FAM222B: variants seen among roughly 807,000 people sequenced by gnomAD.
FAM222B encodes the protein protein FAM222B.
A neutral mutation model predicts 38.0 loss-of-function variants in FAM222B; 12 were observed. The observed-to-expected ratio is 0.32, with a 90% CI of 0.20 to 0.51. FAM222B has a LOEUF of 0.51. Among genes scored for constraint, FAM222B ranks in the 20% least tolerant of loss-of-function variants. The pLI is 0.97. For synonymous variants in FAM222B, 329 were observed against 317.2 expected (o/e 1.04, Z -0.40); for missense variants, 716 against 754.2 (o/e 0.95, Z 0.59).
chr17:28,809,693 G>A lies in FAM222B; in HGVS notation c.-41+32989C>T, dbSNP rs575405521. Among the ~76,000 whole-genome samples the A allele has an allele frequency of 2.6e-5, 4 of 152,242 alleles. No homozygotes were observed. In the East Asian group the frequency reaches 5.8e-4, roughly 22 times the overall value. ...AGTCAAAAAAATAGAAATATCGGGC[G>A]TGGAGGGGTGCAGTGGCTCACACCT... is the stretch of plus-strand genomic sequence containing the variant. On this transcript the variant is annotated intron_variant, in intron 1 of 2. Transcript: ENST00000581407.
intron 1 of FAM222B, among the ~76,000 whole-genome samples, chr17:28,817,812 C>G (rs980838247): frequency 1.3e-5 from 2 of 152,054 alleles, no homozygotes; most frequent in Non-Finnish European, 2.9e-5. Context: ...TGGGACAGGA[C>G]AGAAGGAGAA....
At chr17:28,765,709 A>T (rs1473502172) in intron 2 of FAM222B, among the ~76,000 whole-genome samples, 1 of 152,216 alleles carries the variant, frequency 6.6e-6, no homozygotes, top group African/African-American at 2.4e-5. Flanking sequence ...ATGAAGTATA[A>T]AACCCCAATT....
intron 2 of FAM222B, among the ~76,000 whole-genome samples, chr17:28,764,450 T>C (rs561800574): frequency 6.8e-6 from 1 of 147,670 alleles, no homozygotes; most frequent in South Asian, 2.1e-4. Context: ...CTCAAAATAA[T>C]AAAATAAAAT....
chr17:28,805,643 C>T (rs1428896904), intron 1 of FAM222B, among the ~76,000 whole-genome samples: 1 of 151,424 alleles, frequency 6.6e-6, no homozygotes, highest in Non-Finnish European at 1.5e-5. Flanking sequence ...ACAGTGAGAA[C>T]CTGTCTCAAA....
In FAM222B at chr17:28,774,738, C is replaced by T. The variant is rs62066811; in HGVS notation, c.-40-8031G>A. On this transcript the variant is annotated intron_variant, in intron 1 of 2. Transcript: ENST00000581407. ...TGAGAAAACCTCAGCTTCAGGAATT[C>T]ATGACCAGCCTGGTCAACCATGGTG... 9.5e-3 allele frequency among the ~76,000 whole-genome samples: 1,446 copies of T among 152,084 alleles called. 20 individuals are homozygous for T. The highest frequency in any genetic ancestry group is 0.014 in the Non-Finnish European group (928 of 67,990).
chr17:28,788,679 A>G (rs1169199167), intron 1 of FAM222B, among the ~76,000 whole-genome samples: 4 of 152,210 alleles, frequency 2.6e-5, no homozygotes, highest in Non-Finnish European at 5.9e-5. Context: ...GAAAAATCCA[A>G]TAAATATACA....
intron 2 of FAM222B, among the ~76,000 whole-genome samples, chr17:28,762,443 T>G (rs1249437216): frequency 2.0e-5 from 3 of 150,348 alleles, no homozygotes; most frequent in Non-Finnish European, 1.5e-5. Context: ...CTGCCCAGCA[T>G]GGTGAAACCC....
At chr17:28,815,165 G>C (rs2037968963) in intron 1 of FAM222B, among the ~76,000 whole-genome samples, 1 of 151,530 alleles carries the variant, frequency 6.6e-6, no homozygotes, top group Non-Finnish European at 1.5e-5. Context: ...TAGTTATTGA[G>C]AGAATAAGAA....
chr17:28,843,971 G>T (rs911994316), upstream of FAM222B, among the ~76,000 whole-genome samples: 4 of 152,170 alleles, frequency 2.6e-5, no homozygotes, highest in Non-Finnish European at 5.9e-5. Flanking sequence ...TCTAGGCATC[G>T]CGTGTATGCT....
At chr17:28,819,007 C>G (rs760429473) in intron 1 of FAM222B, among the ~76,000 whole-genome samples, 10 of 152,186 alleles carry the variant, frequency 6.6e-5, no homozygotes, top group Non-Finnish European at 1.5e-4. Flanking sequence ...ATCCTATAAT[C>G]TGTCAGAAGA....
At chr17:28,768,850 A>G (rs1485462597) in intron 1 of FAM222B, among the ~76,000 whole-genome samples, 2 of 151,420 alleles carry the variant, frequency 1.3e-5, no homozygotes, top group Non-Finnish European at 2.9e-5. Context: ...AAAAAAAAAA[A>G]AAAAAAAAAA....
At chr17:28,827,242 A>G (rs1296566938) in intron 1 of FAM222B, among the ~76,000 whole-genome samples, 1 of 152,194 alleles carries the variant, frequency 6.6e-6, no homozygotes, top group Non-Finnish European at 1.5e-5. Flanking sequence ...CTGTAGTCCT[A>G]GCTACTTGGG....
chr17:28,813,698 G>C (rs1226612637), intron 1 of FAM222B, among the ~76,000 whole-genome samples: 3 of 148,652 alleles, frequency 2.0e-5, no homozygotes, highest in African/African-American at 7.5e-5. Context: ...ATCACGCCCA[G>C]CTAATTTTTT....
intron 1 of FAM222B, among the ~76,000 whole-genome samples, chr17:28,785,834 AGTAGCTGGGACTACAGGT>A (rs945180502): frequency 6.6e-6 from 1 of 152,020 alleles, no homozygotes; most frequent in Admixed American, 6.6e-5. Flanking sequence ...CAGCCTCCCG[AGTAGCTGGGACTACAGGT>A]GCCTGCCACC....
rs185774408 is a variant in FAM222B, at chr17:28,832,783, A to G, written c.-41+9899T>C. 3.2e-3 allele frequency among the ~76,000 whole-genome samples: 493 copies of G among 152,270 alleles called. 2 individuals are homozygous for G. Among genetic ancestry groups the G allele is most frequent in the Non-Finnish European group, 5.0e-3 (343 of 68,034 alleles). ...TTTTGAATGACCAATTGCTTTGAAT[A>G]ACAGCAAGAAGGGGGAGAAGTTGAA... On this transcript the variant is annotated intron_variant, in intron 1 of 2. Coordinates refer to ENST00000581407, the MANE Select transcript of FAM222B (RefSeq NM_001077498.3).
intron 1 of FAM222B, among the ~76,000 whole-genome samples, chr17:28,801,508 G>A (rs1168171328): frequency 6.8e-6 from 1 of 147,040 alleles, no homozygotes; most frequent in Non-Finnish European, 1.5e-5. Flanking sequence ...ATAAGCAAAA[G>A]CCAAACCAGT....
chr17:28,780,878 G>A (rs1006800769), intron 1 of FAM222B, among the ~76,000 whole-genome samples: 27 of 151,198 alleles, frequency 1.8e-4, no homozygotes, highest in African/African-American at 6.3e-4. Context: ...ATGAAACTCC[G>A]TCTCAAAAAA....
At chr17:28,810,200 T>C (rs111887742) in intron 1 of FAM222B, among the ~76,000 whole-genome samples, 9 of 152,114 alleles carry the variant, frequency 5.9e-5, no homozygotes, top group African/African-American at 1.9e-4. Context: ...GTTTTCACCA[T>C]GTTGGTCTTT....
At chr17:28,777,893 A>G (rs1459641528) in intron 1 of FAM222B, among the ~76,000 whole-genome samples, 2 of 151,132 alleles carry the variant, frequency 1.3e-5, no homozygotes, top group African/African-American at 4.9e-5. Flanking sequence ...GGTTCAGGTG[A>G]TCCTCCAACT....
Sources: gnomAD v4.1 joint callset for allele counts (sites outside exome capture counted in the v4.1 genomes callset) on GRCh38, gnomAD v4.1.1 for gene constraint, MANE v1.5 for transcripts, NCBI Gene and HGNC (gene_info 2026-07-23, HGNC 2026-07-21) for gene names.